ATP8A1: variants seen among roughly 807,000 people sequenced by gnomAD.
The protein encoded by ATP8A1 is ATPase phospholipid transporting 8A1, also known as phospholipid-transporting ATPase IA.
ATP8A1 carries 90 observed loss-of-function variants against 177.7 expected under a neutral mutation model. That is an observed-to-expected ratio of 0.51 (90% CI 0.43 to 0.60). The LOEUF is 0.60. Among genes scored for constraint, ATP8A1 ranks in the 20% least tolerant of loss-of-function variants. The pLI is 0.00. For missense variants in ATP8A1, 1,072 were observed against 1,392.8 expected (o/e 0.77, Z 3.67); for synonymous variants, 493 against 485.9 (o/e 1.01, Z -0.19).
chr4:42,469,843 A>G (rs1422411506), intron 25 of ATP8A1, among the ~76,000 whole-genome samples: 1 of 107,814 alleles, frequency 9.3e-6, no homozygotes, highest in Non-Finnish European at 2.2e-5. Context: ...CTAGATTCAT[A>G]CAATTTCCAT....
At chr4:42,568,798 T>A (rs935233312) in intron 15 of ATP8A1, among the ~76,000 whole-genome samples, 12 of 152,064 alleles carry the variant, frequency 7.9e-5, no homozygotes, top group Non-Finnish European at 1.0e-4. Flanking sequence ...GTAAAGTACA[T>A]AAGTAGCGGC....
At chr4:42,545,044 C>CA (rs1192544896) in intron 19 of ATP8A1, among the ~76,000 whole-genome samples, 1 of 151,676 alleles carries the variant, frequency 6.6e-6, no homozygotes, top group African/African-American at 2.4e-5. Flanking sequence ...CCTGTAATCC[C>CA]AGCTACTCAG....
chr4:42,440,975 G>A (rs1716577028), intron 33 of ATP8A1, among the ~76,000 whole-genome samples: 1 of 152,134 alleles, frequency 6.6e-6, no homozygotes, highest in South Asian at 2.1e-4. Flanking sequence ...GGAAAGGACT[G>A]GGATCCTGGG....
At chr4:42,435,316 C>A (rs13124840) in intron 33 of ATP8A1, among the ~76,000 whole-genome samples, 56,517 of 151,454 alleles carry the variant, frequency 0.37, 10,725 homozygotes, top group African/African-American at 0.43. Context: ...ATCCCAGCTA[C>A]TCAGGAGGCT....
chr4:42,577,816 T>C (rs980465109), intron 12 of ATP8A1, among the ~76,000 whole-genome samples: 4 of 151,954 alleles, frequency 2.6e-5, no homozygotes, highest in Non-Finnish European at 5.9e-5. Flanking sequence ...ATTTGTATAG[T>C]GATTGATTAT....
rs1712287838 is a variant in ATP8A1, at chr4:42,409,036, T to A, written c.*3880A>T. On this transcript the variant is annotated 3_prime_UTR_variant, in exon 37 of 37. Transcript: ENST00000381668. The stretch of plus-strand genomic sequence containing the variant: ...AGATTCAATTAAATTTGTTCAAATT[T>A]CTTTGTAAAATAATCTACTTATTAA... 6.6e-6 allele frequency: 1 copy of A among 152,232 alleles called. No individual in the cohort carries two copies. The highest frequency in any genetic ancestry group is 1.5e-5 in the Non-Finnish European group (1 of 68,024). The allele number at this position is 152,232 out of a possible 1,614,324, so 9.4% of individuals were successfully genotyped here.
At chr4:42,488,844 C>T (rs1722466851) in intron 24 of ATP8A1, among the ~76,000 whole-genome samples, 1 of 152,172 alleles carries the variant, frequency 6.6e-6, no homozygotes, top group Admixed American at 6.5e-5. Context: ...TGCAGCAAAA[C>T]CCTGAGTTTC....
chr4:42,440,483 G>A (rs1489558508), intron 33 of ATP8A1, among the ~76,000 whole-genome samples: 1 of 151,602 alleles, frequency 6.6e-6, no homozygotes, highest in African/African-American at 2.4e-5. Flanking sequence ...ATTACTCATT[G>A]TATTTATGGT....
chr4:42,436,141 C>T lies in ATP8A1; in HGVS notation c.3123+7424G>A, dbSNP rs544992399. On this transcript the variant is annotated intron_variant, in intron 33 of 36. Transcript: ENST00000381668. ...AAAGCTGTGCCGTACCAGGAGCAGG[C>T]TTCGTTCAGCTTTCATACGTTGCTC... Among the ~76,000 whole-genome samples the T allele has an allele frequency of 8.5e-5, 13 of 152,298 alleles. No individual in the cohort carries two copies. In the South Asian group the frequency reaches 2.1e-3, roughly 24 times the overall value.
chr4:42,623,697 G>C (rs754025894), intron 4 of ATP8A1, among the ~76,000 whole-genome samples: 1 of 152,138 alleles, frequency 6.6e-6, no homozygotes, highest in African/African-American at 2.4e-5. Context: ...GCGCATTGGA[G>C]GGTGGAGGGT....
chr4:42,523,256 G>C (rs1393610643), intron 21 of ATP8A1, among the ~76,000 whole-genome samples: 1 of 152,158 alleles, frequency 6.6e-6, no homozygotes, highest in Non-Finnish European at 1.5e-5. Context: ...TGCATTGGAA[G>C]AAAGGAGAGG....
chr4:42,504,846 G>A (rs1253706528), intron 23 of ATP8A1, among the ~76,000 whole-genome samples: 1 of 152,236 alleles, frequency 6.6e-6, no homozygotes, highest in African/African-American at 2.4e-5. Flanking sequence ...CGTCCACCCT[G>A]GACACTGCTA....
intron 17 of ATP8A1, 133 bp downstream of exon 17, chr4:42,552,372 G>A (rs1373427018): frequency 1.5e-6 from 1 of 682,262 alleles, no homozygotes; most frequent in East Asian, 2.9e-5. Context: ...TGAAAGCCAA[G>A]GTTTTTCTAA....
intron 25 of ATP8A1, chr4:42,471,689 T>C (rs1280135487): frequency 3.7e-6 from 1 of 269,148 alleles, no homozygotes; most frequent in Non-Finnish European, 7.3e-6. Flanking sequence ...AATATTGCTG[T>C]TCATTTTCTC....
At chr4:42,507,762 T>TAAAAAAAACAAAAA (rs1560402485) in intron 22 of ATP8A1, among the ~76,000 whole-genome samples, 1 of 14,878 alleles carries the variant, frequency 6.7e-5, no homozygotes, top group Non-Finnish European at 1.5e-4. Context: ...AAAAGTCAGT[T>TAAAAAAAACAAAAA]AAAAAGGACA....
At chr4:42,446,714 G>C in intron 30 of ATP8A1, 70 bp from the exon 31 acceptor site, 2 of 1,407,220 alleles carry the variant, frequency 1.4e-6, no homozygotes, top group Non-Finnish European at 2.0e-6. Flanking sequence ...AAGATATTCA[G>C]AAAGTTTGAA....
At chr4:42,648,708 AAAGTT>A (rs1201742142) in intron 1 of ATP8A1, among the ~76,000 whole-genome samples, 5 of 152,192 alleles carry the variant, frequency 3.3e-5, no homozygotes, top group Admixed American at 2.0e-4. Flanking sequence ...AAAGCACTAC[AAAGTT>A]AAGATAAACT....
chr4:42,533,991 G>C (rs1022206735), intron 20 of ATP8A1, among the ~76,000 whole-genome samples: 3 of 152,114 alleles, frequency 2.0e-5, no homozygotes, highest in Non-Finnish European at 2.9e-5. Context: ...CAAATCAAGG[G>C]AGTACTCCAT....
chr4:42,633,818 C>T (rs1283797490), intron 1 of ATP8A1, among the ~76,000 whole-genome samples: 1 of 152,070 alleles, frequency 6.6e-6, no homozygotes, highest in African/African-American at 2.4e-5. Context: ...CTATTTTACA[C>T]TGAATGGTCA....
Sources: allele counts gnomAD v4.1 joint callset (sites outside exome capture counted in the v4.1 genomes callset), GRCh38; gene constraint gnomAD v4.1.1; transcripts MANE v1.5; gene names NCBI Gene and HGNC (gene_info 2026-07-23, HGNC 2026-07-21).